GPR107: variants seen among roughly 807,000 people sequenced by gnomAD.
The protein encoded by GPR107 is protein GPR107.
In GPR107, 31 loss-of-function variants were observed where a neutral mutation model predicts 75.5. The observed-to-expected ratio is 0.41, with a 90% CI of 0.31 to 0.55. GPR107 has a LOEUF of 0.55. GPR107 is among the 20% of genes least tolerant of loss of function. The pLI is 0.26. For missense variants in GPR107, 572 were observed against 665.7 expected (o/e 0.86, Z 1.55); for synonymous variants, 267 against 251.3 (o/e 1.06, Z -0.59).
At chr9:130,119,165 T>C (rs1326377350) in intron 14 of GPR107, among the ~76,000 whole-genome samples, 1 of 152,208 alleles carries the variant, frequency 6.6e-6, no homozygotes, top group Non-Finnish European at 1.5e-5. Context: ...GCTGCCTGGC[T>C]GCTCACTGCA....
intron 9 of GPR107, among the ~76,000 whole-genome samples, chr9:130,098,318 C>G (rs1830930521): frequency 6.6e-6 from 1 of 152,148 alleles, no homozygotes. Flanking sequence ...TGCTTTGTCT[C>G]ATTGGCCTGG....
chr9:130,057,884 G>A (rs1829833213), intron 1 of GPR107, among the ~76,000 whole-genome samples: 1 of 150,214 alleles, frequency 6.7e-6, no homozygotes, highest in Admixed American at 6.7e-5. Context: ...AGGCTGGAAA[G>A]CAATGGCGCG....
At chr9:130,115,361 A>C (rs1321363594) in intron 14 of GPR107, among the ~76,000 whole-genome samples, 2 of 151,796 alleles carry the variant, frequency 1.3e-5, no homozygotes, top group Non-Finnish European at 2.9e-5. Flanking sequence ...CCCAGAAGAG[A>C]TCCTCCCCCT....
At chr9:130,079,796 T>C in intron 5 of GPR107, 27 bp downstream of exon 5, 1 of 1,520,882 alleles carries the variant, frequency 6.6e-7, no homozygotes, top group Non-Finnish European at 8.9e-7. Flanking sequence ...AAACTGGCTT[T>C]CAGTTTTCAC....
At chr9:130,078,846 T>A (rs1830421652) in intron 4 of GPR107, among the ~76,000 whole-genome samples, 1 of 152,132 alleles carries the variant, frequency 6.6e-6, no homozygotes, top group Non-Finnish European at 1.5e-5. Context: ...TGGCCCCTCC[T>A]GGGTGGGATG....
At chr9:130,089,847 A>G (rs1830693481) in intron 7 of GPR107, among the ~76,000 whole-genome samples, 1 of 151,984 alleles carries the variant, frequency 6.6e-6, no homozygotes, top group Non-Finnish European at 1.5e-5. Flanking sequence ...TTTTATTTTT[A>G]TTTTTGTCAG....
At chr9:130,068,282 G>A (rs937739746) in intron 1 of GPR107, among the ~76,000 whole-genome samples, 3 of 152,006 alleles carry the variant, frequency 2.0e-5, no homozygotes, top group African/African-American at 7.2e-5. Context: ...GCCCCTGCTC[G>A]TTGCTCCAGA....
At chr9:130,126,495 G>A (rs1418737332) in intron 15 of GPR107, among the ~76,000 whole-genome samples, 1 of 151,916 alleles carries the variant, frequency 6.6e-6, no homozygotes, top group African/African-American at 2.4e-5. Context: ...ACAGTCATGC[G>A]CCACCATGCC....
chr9:130,087,472 C>T (rs893937878), intron 7 of GPR107, among the ~76,000 whole-genome samples: 1 of 151,822 alleles, frequency 6.6e-6, no homozygotes, highest in African/African-American at 2.4e-5. Context: ...GTTTTGAGAC[C>T]AGCCTGGGCA....
At chr9:130,134,319 GCTC>G (rs1317889676) in intron 17 of GPR107, among the ~76,000 whole-genome samples, 2 of 152,178 alleles carry the variant, frequency 1.3e-5, no homozygotes, top group African/African-American at 4.8e-5. Flanking sequence ...GCCTTGCTCA[GCTC>G]CTCATGCCCT....
chr9:130,110,985 T>A (rs1371670150), intron 14 of GPR107, among the ~76,000 whole-genome samples: 2 of 152,196 alleles, frequency 1.3e-5, no homozygotes, highest in Non-Finnish European at 2.9e-5. Context: ...ACTCATTTCA[T>A]GGCCTTGACA....
chr9:130,100,915 G>A (rs548783240), intron 11 of GPR107, among the ~76,000 whole-genome samples, 191 bp from the exon 12 acceptor site: 71 of 152,370 alleles, frequency 4.7e-4, no homozygotes, highest in Middle Eastern at 3.4e-3. Context: ...GCCATTGGCT[G>A]TCCAGGCTGT....
intron 14 of GPR107, chr9:130,110,380 G>T: frequency 6.5e-7 from 1 of 1,536,308 alleles, no homozygotes; most frequent in Non-Finnish European, 8.8e-7. Flanking sequence ...GTGACAGCAT[G>T]GGACCTCTTC....
intron 2 of GPR107, 146 bp from the exon 3 acceptor site, chr9:130,076,266 A>G: frequency 1.8e-6 from 1 of 560,148 alleles, no homozygotes; most frequent in Non-Finnish European, 3.2e-6. Context: ...ACTTTGCTTG[A>G]GTGATTTTAC....
Position 130,101,128 on chromosome 9 carries a change from A to G in GPR107, c.1036A>G (p.Ile346Val), listed in dbSNP as rs751118609. 2 of 1,606,722 alleles carry G rather than the reference A, an allele frequency of 1.2e-6. No homozygotes were observed. Among genetic ancestry groups the G allele is most frequent in the East Asian group, 2.2e-5 (1 of 44,838 alleles). The part of the protein sequence containing the change: ...THLLKGALLF[I>V]TIALIGTGWA... ...CAGTTTGAAAGGGGCGCTACTCTTC[A>G]TCACCATTGCACTCATTGGCACTGG... The change falls in exon 12 of 18, where the codon ATC becomes GTC. Residue 346 changes from isoleucine to valine, a missense_variant. Ile to Val is a conservative substitution (Grantham distance 29, BLOSUM62 3). Coordinates refer to ENST00000347136, the MANE Select transcript of GPR107 (RefSeq NM_020960.5).
intron 5 of GPR107, among the ~76,000 whole-genome samples, chr9:130,081,337 A>G (rs180763814): frequency 2.6e-4 from 40 of 152,266 alleles, no homozygotes; most frequent in African/African-American, 9.6e-4. Flanking sequence ...CAGGAGTTCA[A>G]GACCAGCCTG....
At chr9:130,070,428 C>T (rs1465780263) in intron 1 of GPR107, among the ~76,000 whole-genome samples, 1 of 152,090 alleles carries the variant, frequency 6.6e-6, no homozygotes, top group Non-Finnish European at 1.5e-5. Context: ...CTCAGCCTCC[C>T]ACGTAGCTGG....
At chr9:130,084,195 C>T (rs945967252) in intron 6 of GPR107, among the ~76,000 whole-genome samples, 2 of 150,934 alleles carry the variant, frequency 1.3e-5, no homozygotes, top group African/African-American at 4.9e-5. Context: ...ATCAGGAGTT[C>T]GAGACCAGCC....
chr9:130,085,474 T>TA (rs1330995392), intron 6 of GPR107, among the ~76,000 whole-genome samples: 1 of 152,202 alleles, frequency 6.6e-6, no homozygotes. Context: ...AAACTGTAGA[T>TA]ATGTAAAGCA....
Sources: allele counts gnomAD v4.1 joint callset (sites outside exome capture counted in the v4.1 genomes callset), GRCh38; gene constraint gnomAD v4.1.1; transcripts MANE v1.5; gene names NCBI Gene and HGNC (gene_info 2026-07-23, HGNC 2026-07-21).